USP25: variants seen among roughly 807,000 people sequenced by gnomAD.
USP25 encodes the protein ubiquitin specific peptidase 25, also known as ubiquitin carboxyl-terminal hydrolase 25.
In USP25, 85 loss-of-function variants were observed where a neutral mutation model predicts 158.5. That is an observed-to-expected ratio of 0.54 (90% CI 0.45 to 0.64). USP25 has a LOEUF of 0.64. Ranked by LOEUF, USP25 falls within the 30% of genes least tolerant of loss-of-function variation. The pLI is 0.00. For synonymous variants in USP25, 464 were observed against 460.4 expected (o/e 1.01, Z -0.10); for missense variants, 1,242 against 1,327.3 (o/e 0.94, Z 1.00).
intron 1 of USP25, chr21:15,745,087 T>G (rs898128639): frequency 6.6e-6 from 1 of 152,316 alleles, no homozygotes; most frequent in Non-Finnish European, 1.5e-5. Context: ...CTGATGTTGT[T>G]CTGCCTTAAG....
intron 4 of USP25, among the ~76,000 whole-genome samples, chr21:15,778,442 G>A (rs952884780): frequency 5.9e-5 from 9 of 152,122 alleles, no homozygotes; most frequent in South Asian, 2.1e-4. Context: ...GTGTCATAAC[G>A]CAAAAGCAGC....
intron 9 of USP25, among the ~76,000 whole-genome samples, chr21:15,815,146 C>T (rs1334706887): frequency 6.6e-6 from 1 of 152,140 alleles, no homozygotes. Context: ...AACCTTGGCA[C>T]CTTCCACGTG....
Position 15,824,102 on chromosome 21 carries a change from G to A in USP25, c.1144G>A (p.Ala382Thr). 1 of 1,613,520 alleles carries A rather than the reference G, an allele frequency of 6.2e-7. No homozygotes were observed. The highest frequency in any genetic ancestry group is 8.5e-7 in the Non-Finnish European group (1 of 1,179,754). Reference sequence around the variant, plus strand: ...ATTGTCAAGATTTGAATTTAATCAGGCATTGGGAAGACCAGAAAAAATTCA... The same window carrying A: ...ATTGTCAAGATTTGAATTTAATCAGACATTGGGAAGACCAGAAAAAATTCA... The part of the protein sequence containing the change: ...FELSRFEFNQ[A>T]LGRPEKIHNK... The change falls in exon 11 of 26, where the codon GCA becomes ACA. Residue 382 changes from alanine to threonine, a missense_variant. Coordinates refer to ENST00000400183, the MANE Select transcript of USP25 (RefSeq NM_001283041.3).
chr21:15,771,518 C>A (rs896673097), intron 3 of USP25, among the ~76,000 whole-genome samples: 1 of 152,066 alleles, frequency 6.6e-6, no homozygotes, highest in Non-Finnish European at 1.5e-5. Flanking sequence ...TGCTGGCCCT[C>A]GAGATGAATA....
chr21:15,768,955 C>T (rs1417852087), intron 3 of USP25, among the ~76,000 whole-genome samples: 1 of 152,090 alleles, frequency 6.6e-6, no homozygotes, highest in Non-Finnish European at 1.5e-5. Flanking sequence ...ATCGAAATCT[C>T]TAATACCAAA....
intron 8 of USP25, 29 bp downstream of exon 8, chr21:15,808,914 GT>G: frequency 2.0e-6 from 3 of 1,530,252 alleles, no homozygotes; most frequent in South Asian, 1.2e-5. Flanking sequence ...TAGCAATGGG[GT>G]TTTAGGAATT....
At chr21:15,847,095 T>C (rs1027564350) in intron 18 of USP25, among the ~76,000 whole-genome samples, 1 of 152,110 alleles carries the variant, frequency 6.6e-6, no homozygotes, top group African/African-American at 2.4e-5. Context: ...AGAATATGGA[T>C]ATTAACTGGA....
At chr21:15,834,200 A>C (rs2037947937) in intron 17 of USP25, among the ~76,000 whole-genome samples, 1 of 152,250 alleles carries the variant, frequency 6.6e-6, no homozygotes, top group African/African-American at 2.4e-5. Context: ...GAAATCAATA[A>C]GTCAAAGTAA....
intron 10 of USP25, among the ~76,000 whole-genome samples, chr21:15,822,427 A>G (rs1466489647): frequency 6.6e-6 from 1 of 151,962 alleles, no homozygotes; most frequent in East Asian, 1.9e-4. Flanking sequence ...GAAGCTATTT[A>G]TATTTCCTGG....
intron 20 of USP25, among the ~76,000 whole-genome samples, chr21:15,852,226 T>C (rs1270773089): frequency 6.6e-6 from 1 of 152,126 alleles, no homozygotes; most frequent in East Asian, 1.9e-4. Flanking sequence ...CACTAACCAT[T>C]CTCCTTACTA....
chr21:15,878,250 T>A, intron 25 of USP25, 53 bp from the exon 26 acceptor site: 1 of 1,567,520 alleles, frequency 6.4e-7, no homozygotes, highest in Non-Finnish European at 8.7e-7. Context: ...ATGTTGACAA[T>A]GATCGTGTAA....
chr21:15,730,541 G>T (rs2030706772), intron 1 of USP25, 103 bp downstream of exon 1: 1 of 1,220,928 alleles, frequency 8.2e-7, no homozygotes. Flanking sequence ...CGCCTTCCCG[G>T]GCTTCCTCCC....
intron 3 of USP25, among the ~76,000 whole-genome samples, chr21:15,773,058 C>T (rs935993862): frequency 6.6e-6 from 1 of 152,138 alleles, no homozygotes; most frequent in African/African-American, 2.4e-5. Context: ...AGGAAAAAGT[C>T]CCAGCTTTTC....
intron 22 of USP25, 52 bp from the exon 23 acceptor site, chr21:15,870,016 G>C (rs371227463): frequency 1.7e-4 from 232 of 1,378,870 alleles, no homozygotes; most frequent in Non-Finnish European, 2.2e-4. Context: ...CAGTTTCATA[G>C]TACTTTTTAA....
rs1416220023 is a variant in USP25 at position 15,816,275 on chromosome 21, C to T, written c.932-2423C>T. Among the ~76,000 whole-genome samples the T allele has an allele frequency of 3.9e-5, 6 of 152,150 alleles. No individual in the cohort carries two copies. Among genetic ancestry groups the T allele is most frequent in the Admixed American group, 1.3e-4 (2 of 15,286 alleles). The stretch of plus-strand genomic sequence containing the variant: ...AAGAAGTGCCTTTTGCCTCCCGCCA[C>T]GATTCTGAGGGCTTCCCAGCCATGT... On this transcript the variant is annotated intron_variant, in intron 9 of 25. Transcript: ENST00000400183. This position sits in a 1 kb window ranked among gnomAD's most constrained non-coding sequence, Gnocchi z 4.0.
intron 5 of USP25, among the ~76,000 whole-genome samples, chr21:15,792,666 T>C (rs1402736333): frequency 6.6e-6 from 1 of 151,730 alleles, no homozygotes; most frequent in African/African-American, 2.4e-5. Flanking sequence ...TAATTGTTTT[T>C]GCTAACTTGT....
Position 15,827,171 on chromosome 21 carries a change from G to C in USP25, c.1661G>C (p.Arg554Pro), listed in dbSNP as rs747492263. ...ELSVLESCLH[R>P]WRTEIENDTR... ...TCTGTGCTGGAAAGTTGTTTACATCGCTGGAGGACAGAAATAGAAAATGAC... is the reference window on the plus strand; with the variant it reads ...TCTGTGCTGGAAAGTTGTTTACATCCCTGGAGGACAGAAATAGAAAATGAC... The change falls in exon 14 of 26, where the codon CGC becomes CCC. Residue 554 changes from arginine to proline, a missense_variant. Coordinates refer to ENST00000400183, the MANE Select transcript of USP25 (RefSeq NM_001283041.3). 5 of 1,614,128 alleles carry C rather than the reference G, an allele frequency of 3.1e-6. No individual in the cohort carries two copies. Among genetic ancestry groups the C allele is most frequent in the Non-Finnish European group, 4.2e-6 (5 of 1,179,996 alleles).
chr21:15,757,078 C>T (rs923431186), intron 1 of USP25, among the ~76,000 whole-genome samples: 1 of 152,076 alleles, frequency 6.6e-6, no homozygotes, highest in African/African-American at 2.4e-5. Context: ...GAAAAACAGA[C>T]TAGGGTCTTA....
chr21:15,743,162 T>C (rs2032219338), intron 1 of USP25, among the ~76,000 whole-genome samples: 1 of 152,186 alleles, frequency 6.6e-6, no homozygotes. Context: ...TGTATTATGG[T>C]TCTAGTTCGA....
Sources: gnomAD v4.1 joint callset for allele counts (sites outside exome capture counted in the v4.1 genomes callset) on GRCh38, gnomAD v4.1.1 for gene constraint, Gnocchi (gnomAD v3.1) non-coding constraint, MANE v1.5 for transcripts, NCBI Gene and HGNC (gene_info 2026-07-23, HGNC 2026-07-21) for gene names.